Variants in TNS3 observed in about 807,000 individuals in gnomAD.
TNS3 encodes tensin 3.
In TNS3, 45 loss-of-function variants were observed where a neutral mutation model predicts 140.9. That is an observed-to-expected ratio of 0.32 (90% CI 0.25 to 0.41). The LOEUF is 0.41. Among genes scored for constraint, TNS3 ranks in the 10% least tolerant of loss-of-function variants. The pLI, the probability that TNS3 is intolerant of heterozygous loss-of-function variation, is 1.00. For synonymous variants in TNS3, 815 were observed against 788.4 expected, an observed-to-expected ratio of 1.03 and a Z score of -0.56; for missense variants, 1,716 against 1,906.7, an observed-to-expected ratio of 0.90 and a Z score of 1.86.
intron 4 of TNS3, among the ~76,000 whole-genome samples, chr7:47,452,394 T>C (rs1796053620): frequency 6.6e-6 from 1 of 152,230 alleles, no homozygotes; most frequent in Admixed American, 6.5e-5. Context: ...CTTTTAAACA[T>C]AAGCAGCAAT....
intron 13 of TNS3, among the ~76,000 whole-genome samples, chr7:47,410,773 C>T (rs1037779419): frequency 6.6e-6 from 1 of 152,158 alleles, no homozygotes; most frequent in Non-Finnish European, 1.5e-5. Flanking sequence ...TCTTCCAAGG[C>T]CATGAAATCT....
In TNS3 at chr7:47,530,838, A is replaced by AAAATATATATATAT; in HGVS notation, c.-264-1692_-264-1691insATATATATATATTT. Reference sequence around the variant, plus strand: ...AACTCCATCTCAAAAAAAAAAAAAAAATATATATATATATATATATTTCTA... The same window carrying AAAATATATATATAT: ...AACTCCATCTCAAAAAAAAAAAAAAAAAATATATATATATATATATATATATATATATATTTCTA... On this transcript the variant is annotated intron_variant, in intron 1 of 30. Coordinates refer to ENST00000311160, the MANE Select transcript of TNS3 (RefSeq NM_022748.12). Among the ~76,000 whole-genome samples, 394 of 54,454 alleles carry AAAATATATATATAT rather than the reference A, an allele frequency of 7.2e-3. 9 individuals are homozygous for AAAATATATATATAT. The highest frequency in any genetic ancestry group is 0.016 in the South Asian group (18 of 1,120). 35.7% of individuals were successfully genotyped at this position (54,454 alleles called of 152,430 possible).
chr7:47,513,454 C>A lies in TNS3; in HGVS notation c.-152-6510G>T, dbSNP rs1798675373. Among the ~76,000 whole-genome samples, 4 of 152,198 alleles carry A rather than the reference C, an allele frequency of 2.6e-5. No homozygotes were observed. In the South Asian group the frequency reaches 8.3e-4, roughly 32 times the overall value. On this transcript the variant is annotated intron_variant, in intron 2 of 30. Coordinates refer to ENST00000311160, the MANE Select transcript of TNS3 (RefSeq NM_022748.12). ...AAAATGCTGGGATTACAAGCATAAGCCACCTCACCACGCCCTAAAATAATC... is the reference window on the plus strand; with the variant it reads ...AAAATGCTGGGATTACAAGCATAAGACACCTCACCACGCCCTAAAATAATC...
intron 20 of TNS3, among the ~76,000 whole-genome samples, chr7:47,328,118 C>T (rs1462294517): frequency 2.0e-5 from 3 of 152,142 alleles, no homozygotes; most frequent in African/African-American, 7.2e-5. Flanking sequence ...CGGTGGCGTC[C>T]CCCACCCACC....
chr7:47,419,526 T>C (rs952915738), intron 10 of TNS3, among the ~76,000 whole-genome samples: 1 of 152,190 alleles, frequency 6.6e-6, no homozygotes, highest in African/African-American at 2.4e-5. Context: ...AAGTTTATAG[T>C]TTAAATGATA....
At chr7:47,550,912 C>T (rs1323383974) in intron 1 of TNS3, among the ~76,000 whole-genome samples, 1 of 152,196 alleles carries the variant, frequency 6.6e-6, no homozygotes, top group Non-Finnish European at 1.5e-5. Flanking sequence ...CCTAAACAGT[C>T]TTACCCCACT....
At chr7:47,534,676 T>C (rs1799538862) in intron 1 of TNS3, among the ~76,000 whole-genome samples, 1 of 152,210 alleles carries the variant, frequency 6.6e-6, no homozygotes, top group African/African-American at 2.4e-5. Flanking sequence ...TATATACATT[T>C]AAGGTACTGT....
chr7:47,428,341 G>C lies in TNS3; in HGVS notation c.360C>G (p.Ser120=), dbSNP rs564875701. Residue 120 remains serine, a synonymous_variant, in exon 9 of 31, where the codon TCC becomes TCG. Coordinates refer to ENST00000311160, the MANE Select transcript of TNS3 (RefSeq NM_022748.12). ...GKGRIGVVIS[S]YMHFTNVSAS... is the part of the protein sequence containing the mutation. ...CTGAGACGTTGGTGAAATGCATGTA[G>C]GATGATATGACCACTCCTATGCGTC... is the stretch of plus-strand genomic sequence containing the variant. The C allele has an allele frequency of 1.9e-5, 28 of 1,454,606 alleles. No individual in the cohort carries two copies. The East Asian group carries it at 6.4e-4, about 33-fold the overall frequency. The allele number at this position is 1,454,606 out of a possible 1,614,324, so 90.1% of individuals were successfully genotyped here.
intron 3 of TNS3, among the ~76,000 whole-genome samples, chr7:47,491,246 A>G (rs1797804144): frequency 6.6e-6 from 1 of 152,238 alleles, no homozygotes; most frequent in Non-Finnish European, 1.5e-5. Flanking sequence ...GGTTTTAAAC[A>G]AATATGTATT....
chr7:47,331,403 G>A (rs1467401774), intron 20 of TNS3, among the ~76,000 whole-genome samples: 1 of 152,106 alleles, frequency 6.6e-6, no homozygotes, highest in East Asian at 1.9e-4. Flanking sequence ...TGCTCACTTG[G>A]GCATTGCGGA....
chr7:47,480,317 C>T (rs554452874), intron 4 of TNS3, among the ~76,000 whole-genome samples: 1 of 152,312 alleles, frequency 6.6e-6, no homozygotes, highest in South Asian at 2.1e-4. Flanking sequence ...GCACCTGTTT[C>T]CCTGCCCCAC....
At chr7:47,495,228 C>CATGGAACGT (rs1463442245) in intron 3 of TNS3, among the ~76,000 whole-genome samples, 1 of 151,288 alleles carries the variant, frequency 6.6e-6, no homozygotes, top group African/African-American at 2.4e-5. Context: ...TTCTTCTCCC[C>CATGGAACGT]ATGGAACGTG....
At chr7:47,486,029 GGTGAGTGCAGGTGT>G (rs1253630948) in intron 3 of TNS3, among the ~76,000 whole-genome samples, 1 of 149,854 alleles carries the variant, frequency 6.7e-6, no homozygotes, top group Admixed American at 6.7e-5. Context: ...TGTGTGTGGG[GGTGAGTGCAGGTGT>G]GTGAGTGTGG....
At chr7:47,481,306 C>T (rs1797408626) in intron 3 of TNS3, 165 bp from the exon 4 acceptor site, 4 of 455,842 alleles carry the variant, frequency 8.8e-6, no homozygotes, top group Admixed American at 7.4e-5. Flanking sequence ...TAAGAGAGTC[C>T]AGGGTTTTGT....
intron 16 of TNS3, among the ~76,000 whole-genome samples, chr7:47,395,828 C>T (rs534791877): frequency 1.3e-5 from 2 of 152,306 alleles, no homozygotes; most frequent in South Asian, 4.1e-4. Flanking sequence ...TGGGTTGCAA[C>T]AATTCCTTGA....
intron 24 of TNS3, among the ~76,000 whole-genome samples, chr7:47,294,130 G>A (rs945081468): frequency 3.3e-5 from 5 of 152,208 alleles, no homozygotes; most frequent in African/African-American, 1.2e-4. Flanking sequence ...AATCCCCAAC[G>A]AAGGGAATGA....
intron 17 of TNS3, 104 bp from the exon 18 acceptor site, chr7:47,346,460 G>A: frequency 7.3e-7 from 1 of 1,372,582 alleles, no homozygotes; most frequent in Non-Finnish European, 1.0e-6. Flanking sequence ...GCTGTATGCT[G>A]CATCCTGGTC....
chr7:47,332,885 C>T (rs1000569986), intron 20 of TNS3, among the ~76,000 whole-genome samples: 2 of 152,188 alleles, frequency 1.3e-5, no homozygotes, highest in African/African-American at 4.8e-5. Flanking sequence ...GTTAGCAGCA[C>T]TTCAGAATAA....
intron 1 of TNS3, among the ~76,000 whole-genome samples, chr7:47,557,405 C>T (rs1288241021): frequency 6.6e-6 from 1 of 152,196 alleles, no homozygotes; most frequent in African/African-American, 2.4e-5. Flanking sequence ...ACCCAACCCT[C>T]ACCCATCTAG....
Sources: gnomAD v4.1 joint callset for allele counts (sites outside exome capture counted in the v4.1 genomes callset) on GRCh38, gnomAD v4.1.1 for gene constraint, MANE v1.5 for transcripts, NCBI Gene and HGNC (gene_info 2026-07-23, HGNC 2026-07-21) for gene names.